The following TGFBR2 variants were observed in gnomAD, a reference collection of about 807,000 sequenced individuals.
TGFBR2 encodes transforming growth factor beta receptor 2.
In TGFBR2, 18 loss-of-function variants were observed where a neutral mutation model predicts 49.0. The observed-to-expected ratio is 0.37, with a 90% CI of 0.25 to 0.54. TGFBR2 has a LOEUF of 0.54. Among genes scored for constraint, TGFBR2 ranks in the 20% least tolerant of loss-of-function variants. TGFBR2 has a pLI of 0.85. For synonymous variants in TGFBR2, 282 were observed against 275.9 expected (o/e 1.02, Z -0.22); for missense variants, 525 against 722.6 (o/e 0.73, Z 3.13).
chr3:30,663,669 T>C (rs1370471376), intron 3 of TGFBR2, among the ~76,000 whole-genome samples: 5 of 152,080 alleles, frequency 3.3e-5, no homozygotes, highest in Admixed American at 3.3e-4. Flanking sequence ...TGATTACTTT[T>C]TAGAGGAAGG....
At chr3:30,648,797 T>C (rs1698824764) in intron 2 of TGFBR2, among the ~76,000 whole-genome samples, 1 of 152,170 alleles carries the variant, frequency 6.6e-6, no homozygotes, top group Admixed American at 6.5e-5. Context: ...GCATGGATGT[T>C]GACACTGGCA....
In TGFBR2 at chr3:30,692,291, G is replaced by A. The variant is rs1699724446; in HGVS notation, c.*692G>A. 4.3e-6 allele frequency: 1 copy of A among 230,054 alleles called. No individual in the cohort carries two copies. The allele number at this position is 230,054 out of a possible 1,614,324, so 14.3% of individuals were successfully genotyped here. A position where few individuals can be genotyped will look rare whatever the true frequency, so the allele number is the denominator to read the frequency against. On this transcript the variant is annotated 3_prime_UTR_variant, in exon 7 of 7. Transcript: ENST00000295754. The stretch of plus-strand genomic sequence containing the variant: ...TTCCTGTGTGCCCTTATTTCTCCTG[G>A]ACTTTTCATTTAAGCTCCAAGCCCC...
chr3:30,641,579 T>G (rs1221878078), intron 1 of TGFBR2, among the ~76,000 whole-genome samples: 1 of 152,062 alleles, frequency 6.6e-6, no homozygotes, highest in Admixed American at 6.6e-5. Context: ...AGGAGAAAAA[T>G]GTGGCATCCC....
intron 3 of TGFBR2, among the ~76,000 whole-genome samples, chr3:30,669,447 G>T (rs1308771742): frequency 6.6e-6 from 1 of 152,078 alleles, no homozygotes; most frequent in African/African-American, 2.4e-5. Flanking sequence ...GTAGAGAAAG[G>T]AGTCTCCAAG....
intron 5 of TGFBR2, among the ~76,000 whole-genome samples, chr3:30,678,675 G>C (rs563047130): frequency 4.6e-5 from 7 of 152,228 alleles, no homozygotes; most frequent in African/African-American, 1.2e-4. Flanking sequence ...CACTGAAGGA[G>C]AGTAAGTGTG....
intron 1 of TGFBR2, among the ~76,000 whole-genome samples, chr3:30,639,383 C>T (rs1396826338): frequency 6.6e-6 from 1 of 152,206 alleles, no homozygotes; most frequent in African/African-American, 2.4e-5. Context: ...GAGTGGGCCT[C>T]ATCCAATCAA....
Position 30,609,934 on chromosome 3 carries a change from A to C in TGFBR2, c.94+2957A>C, listed in dbSNP as rs559816665. 2.9e-4 allele frequency among the ~76,000 whole-genome samples: 44 copies of C among 152,316 alleles called. No homozygotes were observed. The South Asian group carries it at 7.5e-3, about 26-fold the overall frequency. On this transcript the variant is annotated intron_variant, in intron 1 of 6. Coordinates refer to ENST00000295754, the MANE Select transcript of TGFBR2 (RefSeq NM_003242.6). ...ATTTTGAACTCATTGCCTTCTTTTC[A>C]ATGTAGCATTCCCTAATGATGACTG...
rs143446575 is a variant in TGFBR2, at chr3:30,613,221, T to G, written c.94+6244T>G. 3.2e-3 allele frequency among the ~76,000 whole-genome samples: 481 copies of G among 151,448 alleles called. 3 individuals carry two copies. Among genetic ancestry groups the G allele is most frequent in the Non-Finnish European group, 6.2e-3 (423 of 67,910 alleles). ...ACAACTAAAATATAGACCTAGTATA[T>G]GAACACAACTGGCCTCTGTCCTGGG... is the stretch of plus-strand genomic sequence containing the variant. On this transcript the variant is annotated intron_variant, in intron 1 of 6. Transcript: ENST00000295754.
chr3:30,620,744 C>T (rs758846346), intron 1 of TGFBR2, among the ~76,000 whole-genome samples: 9 of 152,096 alleles, frequency 5.9e-5, no homozygotes, highest in Non-Finnish European at 1.3e-4. Context: ...TTTGTCACTC[C>T]TGCCTTTTCT....
At chr3:30,631,289 C>T (rs1169153767) in intron 1 of TGFBR2, among the ~76,000 whole-genome samples, 2 of 152,100 alleles carry the variant, frequency 1.3e-5, no homozygotes, top group African/African-American at 2.4e-5. Flanking sequence ...ATTCACCCAC[C>T]TCGGCCTACC....
chr3:30,681,184 G>C (rs1358031339), intron 5 of TGFBR2, among the ~76,000 whole-genome samples: 2 of 146,296 alleles, frequency 1.4e-5, no homozygotes, highest in African/African-American at 5.0e-5. Context: ...AAAAAAAAGT[G>C]CAAATGAACC....
intron 1 of TGFBR2, among the ~76,000 whole-genome samples, chr3:30,632,771 A>T (rs934626522): frequency 6.6e-6 from 1 of 152,214 alleles, no homozygotes; most frequent in African/African-American, 2.4e-5. Flanking sequence ...GCTCTTCATC[A>T]TGATCCTACA....
At chr3:30,678,593 T>C (rs1699483046) in intron 5 of TGFBR2, among the ~76,000 whole-genome samples, 1 of 149,134 alleles carries the variant, frequency 6.7e-6, no homozygotes, top group African/African-American at 2.5e-5. Flanking sequence ...CTCAACTGTG[T>C]GCAGAAGGAT....
chr3:30,639,401 G>T (rs1319894691), intron 1 of TGFBR2, among the ~76,000 whole-genome samples: 1 of 152,200 alleles, frequency 6.6e-6, no homozygotes, highest in Non-Finnish European at 1.5e-5. Flanking sequence ...CAACTGAACA[G>T]CCTTAAGAGC....
chr3:30,669,342 T>C (rs1699300292), intron 3 of TGFBR2, among the ~76,000 whole-genome samples: 1 of 151,978 alleles, frequency 6.6e-6, no homozygotes. Flanking sequence ...TTCATCATCA[T>C]GAGCCAGGAA....
At chr3:30,628,132 C>A (rs1480797174) in intron 1 of TGFBR2, among the ~76,000 whole-genome samples, 5 of 109,584 alleles carry the variant, frequency 4.6e-5, no homozygotes, top group South Asian at 5.5e-4. Context: ...TTTTTTTAAT[C>A]ATCTGTGTTT....
At position 30,607,929 on chromosome 3, in the gene TGFBR2, G is replaced by C. The variant is rs150705760; in HGVS notation, c.94+952G>C. On this transcript the variant is annotated intron_variant, in intron 1 of 6. Coordinates refer to ENST00000295754, the MANE Select transcript of TGFBR2 (RefSeq NM_003242.6). ...TTGTTATGGAAAGTGTAAAACCTCT[G>C]AGACTTCAAAAGTTAGATTTTTTTT... Among the ~76,000 whole-genome samples the C allele has an allele frequency of 3.4e-3, 509 of 148,594 alleles. 26 individuals carry two copies. In the East Asian group the frequency reaches 0.091, roughly 26 times the overall value.
intron 1 of TGFBR2, among the ~76,000 whole-genome samples, chr3:30,628,538 T>G (rs958297571): frequency 2.0e-5 from 3 of 147,748 alleles, no homozygotes; most frequent in African/African-American, 5.0e-5. Flanking sequence ...GTTTTTTTTT[T>G]TTTTTTTTTT....
At chr3:30,644,060 G>T (rs1291937500) in intron 1 of TGFBR2, among the ~76,000 whole-genome samples, 1 of 152,110 alleles carries the variant, frequency 6.6e-6, no homozygotes, top group Admixed American at 6.5e-5. Context: ...CCAATGCTTG[G>T]GATTGTGTCT....
Sources: allele counts gnomAD v4.1 joint callset (sites outside exome capture counted in the v4.1 genomes callset), GRCh38; gene constraint gnomAD v4.1.1; transcripts MANE v1.5; gene names NCBI Gene and HGNC (gene_info 2026-07-23, HGNC 2026-07-21).